The following PDE1A variants were observed in gnomAD, a reference collection of about 807,000 sequenced individuals.
PDE1A encodes the protein phosphodiesterase 1A.
PDE1A carries 35 observed loss-of-function variants against 61.7 expected under a neutral mutation model. The observed-to-expected ratio is 0.57, with a 90% confidence interval of 0.43 to 0.75. The LOEUF (loss-of-function observed/expected upper bound fraction) is 0.75. Among genes scored for constraint, PDE1A ranks in the 30% least tolerant of loss-of-function variants. The pLI is 0.00. For missense variants in PDE1A, 597 were observed against 630.6 expected (o/e 0.95, Z 0.57); for synonymous variants, 232 against 213.2 (o/e 1.09, Z -0.77).
At chr2:182,177,684 T>C (rs1394511483) in intron 13 of PDE1A, among the ~76,000 whole-genome samples, 1 of 152,100 alleles carries the variant, frequency 6.6e-6, no homozygotes, top group Admixed American at 6.6e-5. Context: ...TAGTTTGAAG[T>C]CATGTAGCAT....
chr2:182,602,998 CATACATACAT>C, the PDE1A span, among the ~76,000 whole-genome samples: 22 of 148,882 alleles, frequency 1.5e-4, no homozygotes, highest in African/African-American at 3.3e-4. Flanking sequence ...CACACACATA[CATACATACAT>C]ACATACATAC....
chr2:182,350,528 C>T (rs1054659090), intron 1 of PDE1A, among the ~76,000 whole-genome samples: 2 of 152,018 alleles, frequency 1.3e-5, no homozygotes, highest in African/African-American at 4.8e-5. Flanking sequence ...AAATGCAAGG[C>T]CCCTTTTTAA....
chr2:182,701,248 G>A, the PDE1A span, among the ~76,000 whole-genome samples: 4 of 151,820 alleles, frequency 2.6e-5, no homozygotes, highest in African/African-American at 9.7e-5. Flanking sequence ...TGTTAGCCAG[G>A]ATGGTCTCGA....
the PDE1A span, among the ~76,000 whole-genome samples, chr2:182,551,374 C>A: frequency 6.6e-6 from 1 of 151,976 alleles, no homozygotes; most frequent in Admixed American, 6.6e-5. Context: ...AAGCTAAAAT[C>A]GGAGCGAAGT....
intron 1 of PDE1A, among the ~76,000 whole-genome samples, chr2:182,356,094 CAATT>C (rs996054295): frequency 3.9e-5 from 6 of 152,184 alleles, no homozygotes; most frequent in Non-Finnish European, 5.9e-5. Context: ...TAATAAAAAA[CAATT>C]AAACTATACC....
chr2:182,597,698 T>C, the PDE1A span, among the ~76,000 whole-genome samples: 1 of 152,342 alleles, frequency 6.6e-6, no homozygotes, highest in South Asian at 2.1e-4. Context: ...TTTTGAGTAA[T>C]ATAAGACATA....
chr2:182,542,946 T>C, the PDE1A span, among the ~76,000 whole-genome samples: 4 of 152,220 alleles, frequency 2.6e-5, no homozygotes, highest in African/African-American at 4.8e-5. Flanking sequence ...TATGTACATT[T>C]ATAAGCATTA....
At chr2:182,266,446 A>G (rs1169544310) in intron 1 of PDE1A, among the ~76,000 whole-genome samples, 1 of 152,186 alleles carries the variant, frequency 6.6e-6, no homozygotes, top group Non-Finnish European at 1.5e-5. Flanking sequence ...ATAGTCCTGC[A>G]ATGGCTTAGA....
At chr2:182,265,930 G>C (rs1188330312) in intron 1 of PDE1A, among the ~76,000 whole-genome samples, 2 of 152,058 alleles carry the variant, frequency 1.3e-5, no homozygotes, top group Non-Finnish European at 2.9e-5. Flanking sequence ...AGATAATTTA[G>C]CAGATTTCCT....
the PDE1A span, among the ~76,000 whole-genome samples, chr2:182,690,432 A>G: frequency 2.6e-5 from 4 of 152,236 alleles, no homozygotes; most frequent in Non-Finnish European, 1.5e-5. Flanking sequence ...CAAAAACCAC[A>G]TGATTATCTC....
In PDE1A at chr2:182,480,489, T is replaced by G. The variant is rs779860711; in HGVS notation, c.101+41787A>C. ...ATCTCTGGGTTCCACCTCTGTGGAT[T>G]CAACCAACTGTGGATGGAAAATATT... is the stretch of plus-strand genomic sequence containing the variant. On this transcript the variant is annotated intron_variant, in intron 2 of 14. Coordinates refer to the PDE1A transcript ENST00000410103. Among the ~76,000 whole-genome samples the G allele has an allele frequency of 3.7e-4, 56 of 151,934 alleles. 1 individual carries two copies. The highest frequency in any genetic ancestry group is 3.4e-4 in the Non-Finnish European group (23 of 67,934).
At chr2:182,456,526 C>T (rs1431044231) in intron 2 of PDE1A, among the ~76,000 whole-genome samples, 1 of 151,992 alleles carries the variant, frequency 6.6e-6, no homozygotes, top group Non-Finnish European at 1.5e-5. Context: ...ATCTTAATTT[C>T]TCTATATTAG....
intron 1 of PDE1A, among the ~76,000 whole-genome samples, chr2:182,282,946 C>T (rs1444226781): frequency 6.6e-6 from 1 of 151,936 alleles, no homozygotes; most frequent in African/African-American, 2.4e-5. Context: ...TGTTGAATCA[C>T]AGAAGAGGCA....
chr2:182,169,922 GCA>G (rs1052290375), intron 13 of PDE1A, among the ~76,000 whole-genome samples: 48 of 87,726 alleles, frequency 5.5e-4, no homozygotes, highest in African/African-American at 8.7e-4. Flanking sequence ...ACACACACAC[GCA>G]CACACACACA....
chr2:182,265,188 C>T (rs915908866), intron 1 of PDE1A, among the ~76,000 whole-genome samples: 1 of 151,254 alleles, frequency 6.6e-6, no homozygotes, highest in African/African-American at 2.4e-5. Flanking sequence ...GCACAAAAAT[C>T]CCAGAAATCA....
At chr2:182,540,247 C>A in the PDE1A span, among the ~76,000 whole-genome samples, 1 of 151,672 alleles carries the variant, frequency 6.6e-6, no homozygotes, top group African/African-American at 2.4e-5. Flanking sequence ...CCCTGTAATC[C>A]CAGCTACTCG....
At chr2:182,188,933 G>A (rs1391750758) in intron 11 of PDE1A, 46 bp downstream of exon 11, 1 of 1,292,918 alleles carries the variant, frequency 7.7e-7, no homozygotes, top group African/African-American at 1.5e-5. Flanking sequence ...TTTGAAAACT[G>A]ACAAGCACAC....
At chr2:182,370,068 T>A (rs1290648724) in intron 1 of PDE1A, among the ~76,000 whole-genome samples, 1 of 151,846 alleles carries the variant, frequency 6.6e-6, no homozygotes, top group Non-Finnish European at 1.5e-5. Context: ...TCCTAGCTAC[T>A]CGGGAGGCTG....
At chr2:182,625,919 A>G in the PDE1A span, among the ~76,000 whole-genome samples, 14 of 152,200 alleles carry the variant, frequency 9.2e-5, no homozygotes, top group African/African-American at 3.4e-4. Flanking sequence ...GAAAAACAAA[A>G]GAGAAGACAG....
Sources: allele counts gnomAD v4.1 joint callset (sites outside exome capture counted in the v4.1 genomes callset), GRCh38; gene constraint gnomAD v4.1.1; transcripts MANE v1.5; gene names NCBI Gene and HGNC (gene_info 2026-07-23, HGNC 2026-07-21).